Variants in NFKB1 observed in about 807,000 individuals in gnomAD.
The protein encoded by NFKB1 is nuclear factor NF-kappa-B p105 subunit.
A neutral mutation model predicts 105.1 loss-of-function variants in NFKB1; 9 were observed. The ratio of observed to expected loss-of-function variants is 0.09; its 90% CI spans 0.05 to 0.15. NFKB1 has a LOEUF of 0.15. Among genes scored for constraint, NFKB1 ranks in the 10% least tolerant of loss-of-function variants. The pLI, the probability that NFKB1 is intolerant of heterozygous loss-of-function variation, is 1.00. For synonymous variants in NFKB1, 440 were observed against 442.2 expected (o/e 1.00, Z 0.06); for missense variants, 830 against 1,203.7 (o/e 0.69, Z 4.59).
intron 12 of NFKB1, 89 bp from the exon 13 acceptor site, chr4:102,594,803 T>C (rs1218810735): frequency 2.3e-6 from 2 of 884,394 alleles, no homozygotes; most frequent in Admixed American, 1.9e-5. Context: ...CACCAAAGGC[T>C]GTGCTCACCT....
At chr4:102,528,471 T>A (rs1220568400) in intron 2 of NFKB1, among the ~76,000 whole-genome samples, 2 of 152,088 alleles carry the variant, frequency 1.3e-5, no homozygotes, top group African/African-American at 4.8e-5. Flanking sequence ...TACTCTTAAT[T>A]TAACTAGGCA....
intron 11 of NFKB1, among the ~76,000 whole-genome samples, chr4:102,585,090 A>G (rs1725611430): frequency 6.6e-6 from 1 of 151,412 alleles, no homozygotes; most frequent in Non-Finnish European, 1.5e-5. Context: ...AGGACTTCCT[A>G]CATTGTCCAG....
intron 15 of NFKB1, among the ~76,000 whole-genome samples, chr4:102,600,409 C>T (rs990548557): frequency 3.3e-5 from 5 of 152,196 alleles, no homozygotes; most frequent in African/African-American, 1.2e-4. Flanking sequence ...TAAAAAACCA[C>T]CACACTGTAT....
chr4:102,504,438 G>A (rs1309824884), intron 1 of NFKB1, among the ~76,000 whole-genome samples: 2 of 152,024 alleles, frequency 1.3e-5, no homozygotes, highest in Non-Finnish European at 2.9e-5. Context: ...TGTTTTATTC[G>A]GTTGGTCTGT....
At chr4:102,582,732 G>A (rs4648033) in intron 9 of NFKB1, 134 bp from the exon 10 acceptor site, 87 of 523,242 alleles carry the variant, frequency 1.7e-4, no homozygotes, top group African/African-American at 1.5e-3. Context: ...TTAAAAGACT[G>A]AACCTTTTGA....
chr4:102,616,675 A>G lies in NFKB1; in HGVS notation c.*81A>G, dbSNP rs1048754024. On this transcript the variant is annotated 3_prime_UTR_variant, in exon 24 of 24. Coordinates refer to ENST00000226574, the MANE Select transcript of NFKB1 (RefSeq NM_003998.4). The stretch of plus-strand genomic sequence containing the variant: ...GTCCACAAGACAGAAGCTGAAGTGC[A>G]TCCAAAGGTGCTCAGAGAGCCGGCC... 2.1e-6 allele frequency: 3 copies of G among 1,452,894 alleles called. No homozygotes were observed. Among genetic ancestry groups the G allele is most frequent in the Admixed American group, 2.0e-5 (1 of 50,472 alleles). The allele number at this position is 1,452,894 out of a possible 1,614,324, so 90.0% of individuals were successfully genotyped here. A position where few individuals can be genotyped will look rare whatever the true frequency, so the allele number is the denominator to read the frequency against.
At chr4:102,556,229 T>G (rs1295566993) in intron 5 of NFKB1, among the ~76,000 whole-genome samples, 1 of 152,156 alleles carries the variant, frequency 6.6e-6, no homozygotes, top group Non-Finnish European at 1.5e-5. Flanking sequence ...TTGGGCACAT[T>G]GAGCTGTAAC....
In NFKB1 at chr4:102,606,538, G is replaced by A. The variant is rs898072521; in HGVS notation, c.1795G>A (p.Val599Met). 5.0e-6 allele frequency: 8 copies of A among 1,614,216 alleles called. No homozygotes were observed. Among genetic ancestry groups the A allele is most frequent in the East Asian group, 2.2e-5 (1 of 44,884 alleles). ...LAVITKQEDV[V>M]EDLLRAGADL... is the part of the protein sequence containing the mutation. ...AGTGATCACTAAGCAGGAAGATGTG[G>A]TGGAGGATTTGCTGAGGGCTGGGGC... The change falls in exon 17 of 24, where the codon GTG becomes ATG. Residue 599 changes from valine (V) to methionine (M), a missense_variant. Transcript: ENST00000226574.
intron 2 of NFKB1, among the ~76,000 whole-genome samples, chr4:102,529,554 A>G (rs750236910): frequency 6.6e-6 from 1 of 152,222 alleles, no homozygotes; most frequent in Non-Finnish European, 1.5e-5. Context: ...CCAGTAAGCA[A>G]GCTAGACCAG....
At chr4:102,601,667 C>T (rs1047460800) in intron 16 of NFKB1, among the ~76,000 whole-genome samples, 26 of 152,206 alleles carry the variant, frequency 1.7e-4, no homozygotes, top group Non-Finnish European at 4.4e-5. Flanking sequence ...CACAGCGAGG[C>T]CCTTTGATGG....
At chr4:102,602,455 G>T (rs1251254369) in intron 16 of NFKB1, among the ~76,000 whole-genome samples, 1 of 151,676 alleles carries the variant, frequency 6.6e-6, no homozygotes. Flanking sequence ...CAGGAGAATG[G>T]TGTGAACCTG....
intron 5 of NFKB1, among the ~76,000 whole-genome samples, chr4:102,557,923 C>G (rs968514399): frequency 6.6e-6 from 1 of 152,096 alleles, no homozygotes; most frequent in African/African-American, 2.4e-5. Context: ...GCAACCAGAG[C>G]CCCCAGCCAG....
Position 102,612,029 on chromosome 4 carries a change from T to C in NFKB1, c.2353-15T>C, listed in dbSNP as rs745363515. 7 of 1,611,384 alleles carry C rather than the reference T, an allele frequency of 4.3e-6. No homozygotes were observed. In the African/African-American group the frequency reaches 9.3e-5, roughly 22 times the overall value. On this transcript the variant is annotated splice_polypyrimidine_tract_variant and intron_variant, in intron 20 of 23. Coordinates refer to ENST00000226574, the MANE Select transcript of NFKB1 (RefSeq NM_003998.4). Reference sequence around the variant, plus strand: ...TTCGATGTATAACGATTTCTGGTGTTTTTCTTTCCAACAGGTATTTGACAT... The same window carrying C: ...TTCGATGTATAACGATTTCTGGTGTCTTTCTTTCCAACAGGTATTTGACAT...
At chr4:102,508,917 A>G (rs1390540196) in intron 1 of NFKB1, among the ~76,000 whole-genome samples, 2 of 152,226 alleles carry the variant, frequency 1.3e-5, no homozygotes, top group African/African-American at 2.4e-5. Flanking sequence ...GTTGAGAAAT[A>G]CAATGAGATA....
intron 5 of NFKB1, among the ~76,000 whole-genome samples, chr4:102,542,050 T>C (rs1367947711): frequency 6.6e-6 from 1 of 152,176 alleles, no homozygotes; most frequent in Non-Finnish European, 1.5e-5. Flanking sequence ...CTATACTTTA[T>C]AGAACATGTG....
chr4:102,583,260 A>G (rs1395788142), intron 10 of NFKB1, among the ~76,000 whole-genome samples: 1 of 152,198 alleles, frequency 6.6e-6, no homozygotes, highest in East Asian at 1.9e-4. Flanking sequence ...TGCTGGGATT[A>G]TAGGCATGAT....
At chr4:102,554,998 G>C (rs9942301) in intron 5 of NFKB1, among the ~76,000 whole-genome samples, 3,884 of 152,166 alleles carry the variant, frequency 0.026, 117 homozygotes, top group African/African-American at 0.072. Context: ...GAGTACAAGG[G>C]CTTCAAAAAA....
chr4:102,550,499 C>T (rs188304317), intron 5 of NFKB1, among the ~76,000 whole-genome samples: 86 of 152,262 alleles, frequency 5.6e-4, no homozygotes, highest in Non-Finnish European at 1.1e-3. Flanking sequence ...CCCCTCATCC[C>T]ATACTTGTAT....
At chr4:102,505,877 A>T (rs908553379) in intron 1 of NFKB1, among the ~76,000 whole-genome samples, 7 of 151,802 alleles carry the variant, frequency 4.6e-5, no homozygotes, top group African/African-American at 9.7e-5. Flanking sequence ...TTGTTGCAAA[A>T]TTTTTTTTTA....
Sources: allele counts gnomAD v4.1 joint callset (sites outside exome capture counted in the v4.1 genomes callset), GRCh38; gene constraint gnomAD v4.1.1; transcripts MANE v1.5; gene names NCBI Gene and HGNC (gene_info 2026-07-23, HGNC 2026-07-21).